FSHR: variants seen among roughly 807,000 people sequenced by gnomAD.
FSHR encodes follicle stimulating hormone receptor.
In FSHR, 46 loss-of-function variants were observed where a neutral mutation model predicts 52.1. The observed-to-expected ratio is 0.88, with a 90% CI of 0.70 to 1.13. The LOEUF is 1.13. Ranked by LOEUF, FSHR falls within the 50% of genes most tolerant of loss-of-function variation. The probability of loss-of-function intolerance (pLI) is 0.00; values close to 1 mark genes in which losing one functional copy is unlikely to be tolerated. For missense variants in FSHR, 964 were observed against 834.6 expected (o/e 1.16, Z -1.91); for synonymous variants, 399 against 309.6 (o/e 1.29, Z -3.03).
intron 1 of FSHR, among the ~76,000 whole-genome samples, chr2:49,127,461 C>T (rs930651235): frequency 1.3e-5 from 2 of 151,720 alleles, no homozygotes; most frequent in Non-Finnish European, 2.9e-5. Flanking sequence ...AGAAATTGAA[C>T]GTGTCCTTTC....
At chr2:48,990,485 T>C (rs1675718971) in intron 5 of FSHR, 81 bp downstream of exon 5, 1 of 893,452 alleles carries the variant, frequency 1.1e-6, no homozygotes, top group African/African-American at 1.6e-5. Flanking sequence ...GACTACACAA[T>C]GCATATTAAA....
intron 2 of FSHR, among the ~76,000 whole-genome samples, chr2:49,025,164 A>G (rs1196970196): frequency 2.6e-5 from 4 of 152,232 alleles, no homozygotes; most frequent in Non-Finnish European, 5.9e-5. Flanking sequence ...ACAGGAGGGA[A>G]GCTTCTTAGC....
At chr2:49,139,003 G>T (rs1672581403) in intron 1 of FSHR, among the ~76,000 whole-genome samples, 1 of 152,086 alleles carries the variant, frequency 6.6e-6, no homozygotes, top group South Asian at 2.1e-4. Context: ...AAAATTGTAG[G>T]CTTTGTCAAT....
intron 1 of FSHR, among the ~76,000 whole-genome samples, chr2:49,152,798 T>C (rs1056803408): frequency 1.3e-5 from 2 of 152,162 alleles, no homozygotes; most frequent in Non-Finnish European, 2.9e-5. Flanking sequence ...CCAAGCAGGT[T>C]GTACTAAAAT....
chr2:49,062,949 A>G (rs1242739381), intron 2 of FSHR, among the ~76,000 whole-genome samples: 2 of 152,178 alleles, frequency 1.3e-5, no homozygotes, highest in African/African-American at 4.8e-5. Flanking sequence ...GCAAGGATGT[A>G]GAGATAGGGG....
intron 1 of FSHR, among the ~76,000 whole-genome samples, chr2:49,104,130 A>G (rs1156374353): frequency 2.0e-5 from 3 of 152,138 alleles, no homozygotes; most frequent in Non-Finnish European, 4.4e-5. Flanking sequence ...CTGGAGGAAG[A>G]TTAGAGTAGA....
intron 1 of FSHR, among the ~76,000 whole-genome samples, chr2:49,105,872 C>G (rs533739134): frequency 6.6e-6 from 1 of 152,036 alleles, no homozygotes; most frequent in African/African-American, 2.4e-5. Flanking sequence ...AACACTGACT[C>G]AGACAAGAGT....
intron 1 of FSHR, among the ~76,000 whole-genome samples, chr2:49,068,831 G>A (rs920029109): frequency 3.3e-5 from 5 of 152,022 alleles, no homozygotes; most frequent in Non-Finnish European, 7.4e-5. Flanking sequence ...AGGGTCCTAA[G>A]AATAGCTTCT....
chr2:49,004,054 C>T (rs930828693), intron 4 of FSHR, among the ~76,000 whole-genome samples: 2 of 152,182 alleles, frequency 1.3e-5, no homozygotes, highest in Admixed American at 6.5e-5. Flanking sequence ...GGGGTATTTG[C>T]CTAATGTCTC....
intron 2 of FSHR, among the ~76,000 whole-genome samples, chr2:49,067,708 G>C (rs529540867): frequency 6.6e-6 from 1 of 152,106 alleles, no homozygotes; most frequent in South Asian, 2.1e-4. Flanking sequence ...TAACAAAAGA[G>C]GCTTCTCTTT....
At chr2:49,011,008 T>A (rs1177195563) in intron 4 of FSHR, among the ~76,000 whole-genome samples, 3 of 151,094 alleles carry the variant, frequency 2.0e-5, no homozygotes, top group African/African-American at 4.8e-5. Flanking sequence ...TTTTGAAGGG[T>A]TTTTTGTGTC....
intron 1 of FSHR, among the ~76,000 whole-genome samples, chr2:49,086,240 T>G (rs1181410058): frequency 3.3e-5 from 5 of 152,130 alleles, no homozygotes; most frequent in Non-Finnish European, 5.9e-5. Flanking sequence ...CATACTACAT[T>G]ATAGAGAAAT....
rs190202012 is a variant in FSHR at position 48,990,798 on chromosome 2, A to G, written c.375-161T>C. Reference sequence around the variant, plus strand: ...GAATTAGGCTCATGTTTTCTATTTTAAGGTTCGTTCCACGGTCTTAAAAGC... The same window carrying G: ...GAATTAGGCTCATGTTTTCTATTTTGAGGTTCGTTCCACGGTCTTAAAAGC... On this transcript the variant is annotated intron_variant, in intron 4 of 9. Coordinates refer to ENST00000406846, the MANE Select transcript of FSHR (RefSeq NM_000145.4). Among the ~76,000 whole-genome samples the G allele has an allele frequency of 8.5e-5, 13 of 152,254 alleles. No individual in the cohort carries two copies. The East Asian group carries it at 2.1e-3, about 25-fold the overall frequency.
rs913020869 is a variant in FSHR, at chr2:48,981,301, A to C, written c.668+1611T>G. ...TATTCCCACCCCCAATGAGAATATA[A>C]GCTTTCTATGAGGAGGAACTTTCCT... On this transcript the variant is annotated intron_variant, in intron 8 of 9. Coordinates refer to ENST00000406846, the MANE Select transcript of FSHR (RefSeq NM_000145.4). Among the ~76,000 whole-genome samples the C allele has an allele frequency of 2.0e-5, 3 of 152,216 alleles. No homozygotes were observed. In the South Asian group the frequency reaches 6.2e-4, roughly 31 times the overall value.
chr2:49,023,877 G>A (rs948431204), intron 2 of FSHR, among the ~76,000 whole-genome samples: 3 of 152,116 alleles, frequency 2.0e-5, no homozygotes, highest in African/African-American at 7.2e-5. Context: ...ATTCTCTCTG[G>A]TGTGGGTTTC....
chr2:49,085,365 A>G (rs1198983099), intron 1 of FSHR, among the ~76,000 whole-genome samples: 2 of 152,266 alleles, frequency 1.3e-5, no homozygotes, highest in Non-Finnish European at 2.9e-5. Context: ...AGAGCTATCT[A>G]TGACAAACCC....
intron 6 of FSHR, among the ~76,000 whole-genome samples, chr2:48,987,380 T>A (rs1028388952): frequency 4.0e-5 from 6 of 151,448 alleles, no homozygotes; most frequent in Non-Finnish European, 5.9e-5. Flanking sequence ...ATTTTTTTTT[T>A]TTATATATTT....
intron 8 of FSHR, among the ~76,000 whole-genome samples, chr2:48,972,683 G>C (rs181657374): frequency 6.6e-6 from 1 of 151,750 alleles, no homozygotes; most frequent in South Asian, 2.1e-4. Flanking sequence ...TCCCTGTTTT[G>C]TCTATAACAA....
chr2:49,090,458 T>C (rs1670562786), intron 1 of FSHR, among the ~76,000 whole-genome samples: 1 of 152,238 alleles, frequency 6.6e-6, no homozygotes, highest in Non-Finnish European at 1.5e-5. Context: ...TTGTTCCTTT[T>C]TGCTGCTGAG....
Sources: gnomAD v4.1 joint callset for allele counts (sites outside exome capture counted in the v4.1 genomes callset) on GRCh38, gnomAD v4.1.1 for gene constraint, MANE v1.5 for transcripts, NCBI Gene and HGNC (gene_info 2026-07-23, HGNC 2026-07-21) for gene names.